Variants in CFAP91 observed in about 807,000 individuals in gnomAD.
CFAP91 encodes the protein cilia- and flagella-associated protein 91.
CFAP91 carries 85 observed loss-of-function variants against 95.9 expected under a neutral mutation model. The ratio of observed to expected loss-of-function variants is 0.89; its 90% CI spans 0.74 to 1.06. The LOEUF is 1.06. Among genes scored for constraint, CFAP91 ranks in the 50% least tolerant of loss-of-function variants. CFAP91 has a pLI of 0.00. For missense variants in CFAP91, 962 were observed against 943.4 expected, an observed-to-expected ratio of 1.02 and a Z score of -0.26; for synonymous variants, 335 against 327.5, an observed-to-expected ratio of 1.02 and a Z score of -0.25.
rs1482922795 is a variant in CFAP91 at position 119,730,369 on chromosome 3, A to G, written c.1010A>G (p.His337Arg). Reference sequence around the variant, plus strand: ...AAAATGGCAAAAATTCAGCGCACGCATGTATCAAGTAATGGTGTAGTATGA... The same window carrying G: ...AAAATGGCAAAAATTCAGCGCACGCGTGTATCAAGTAATGGTGTAGTATGA... ...EAKMAKIQRT[H>R]VSTIRKLVGK... Residue 337 changes from histidine to arginine, a missense_variant, in exon 8 of 18, where the codon CAT (histidine) becomes CGT (arginine). Physicochemically the swap from His to Arg is conservative, Grantham distance 29. Coordinates refer to ENST00000273390, the MANE Select transcript of CFAP91 (RefSeq NM_033364.4). The G allele has an allele frequency of 6.2e-7, 1 of 1,614,008 alleles. No homozygotes were observed. The highest frequency in any genetic ancestry group is 8.5e-7 in the Non-Finnish European group (1 of 1,179,944).
chr3:119,708,630 A>G lies in CFAP91; in HGVS notation c.399A>G (p.Glu133=), dbSNP rs767181273. ...ASFQMPKEVY[E]DPEVTGKNRY... ...TTCAGATGCCTAAAGAAGTTTATGAAGATCCTGAAGTTACTGGAAAGAATC... is the reference window on the plus strand; with the variant it reads ...TTCAGATGCCTAAAGAAGTTTATGAGGATCCTGAAGTTACTGGAAAGAATC... Residue 133 remains glutamate, a synonymous_variant, in exon 4 of 18, where the codon GAA becomes GAG. Transcript: ENST00000273390. 1.2e-6 allele frequency: 2 copies of G among 1,607,016 alleles called. No homozygotes were observed. The highest frequency in any genetic ancestry group is 1.7e-6 in the Non-Finnish European group (2 of 1,176,466).
chr3:119,764,143 A>T (rs987535627), intron 17 of CFAP91, among the ~76,000 whole-genome samples: 3 of 152,112 alleles, frequency 2.0e-5, no homozygotes, highest in Non-Finnish European at 2.9e-5. Flanking sequence ...ATAGTAAAGG[A>T]TGTTGGCAGT....
At chr3:119,759,976 C>T (rs759873876) in intron 17 of CFAP91, among the ~76,000 whole-genome samples, 1 of 151,750 alleles carries the variant, frequency 6.6e-6, no homozygotes, top group East Asian at 1.9e-4. Flanking sequence ...GGAATAAGGA[C>T]CTACAAAACA....
chr3:119,713,681 AATT>A (rs1368091991), intron 5 of CFAP91, among the ~76,000 whole-genome samples: 1 of 152,038 alleles, frequency 6.6e-6, no homozygotes, highest in Non-Finnish European at 1.5e-5. Flanking sequence ...AGATGAAAAA[AATT>A]ATCTGTATAA....
chr3:119,747,271 T>C lies in CFAP91; in HGVS notation c.2051+8T>C. The stretch of plus-strand genomic sequence containing the variant: ...TTATGAAATGGAAAGCCGGTGTGTA[T>C]CAAGAGAACAGATTGTAGAATGGAC... On this transcript the variant is annotated splice_region_variant and intron_variant, in intron 15 of 17. Coordinates refer to ENST00000273390, the MANE Select transcript of CFAP91 (RefSeq NM_033364.4). 1.2e-6 allele frequency: 2 copies of C among 1,610,148 alleles called. No individual in the cohort carries two copies. The highest frequency in any genetic ancestry group is 1.7e-6 in the Non-Finnish European group (2 of 1,178,620).
In CFAP91 at chr3:119,748,011, G is replaced by T. The variant is rs139004227; in HGVS notation, c.2143+109G>T. Reference sequence around the variant, plus strand: ...AGGGATGAGGAAATTTCTAAAGGAGGATCACTGAGTTTTCTTATTTCAGAG... The same window carrying T: ...AGGGATGAGGAAATTTCTAAAGGAGTATCACTGAGTTTTCTTATTTCAGAG... On this transcript the variant is annotated intron_variant, in intron 16 of 17. Transcript: ENST00000273390. The T allele has an allele frequency of 6.1e-4, 493 of 804,008 alleles. 1 individual carries two copies. In the African/African-American group the frequency reaches 7.5e-3, roughly 12 times the overall value. The allele number at this position is 804,008 out of a possible 1,614,324, so 49.8% of individuals were successfully genotyped here. A position where few individuals can be genotyped will look rare whatever the true frequency, so the allele number is the denominator to read the frequency against.
chr3:119,744,621 A>G (rs2054188431), intron 14 of CFAP91, among the ~76,000 whole-genome samples: 1 of 152,210 alleles, frequency 6.6e-6, no homozygotes, highest in African/African-American at 2.4e-5. Context: ...TTCGGGCTTA[A>G]GCAGCTGGAA....
intron 3 of CFAP91, among the ~76,000 whole-genome samples, chr3:119,708,264 C>T: frequency 8.9e-6 from 1 of 111,856 alleles, no homozygotes; most frequent in Non-Finnish European, 1.9e-5. Context: ...GACTCTGTCT[C>T]AAAAAAAAAA....
At chr3:119,712,393 C>A (rs1339793109) in intron 5 of CFAP91, among the ~76,000 whole-genome samples, 1 of 152,090 alleles carries the variant, frequency 6.6e-6, no homozygotes, top group Non-Finnish European at 1.5e-5. Context: ...TTATTATAAA[C>A]TAAGCACATT....
In CFAP91 at chr3:119,732,872, G is replaced by A. The variant is rs111865739; in HGVS notation, c.1201+396G>A. On this transcript the variant is annotated intron_variant, in intron 9 of 17. Coordinates refer to ENST00000273390, the MANE Select transcript of CFAP91 (RefSeq NM_033364.4). ...ATGGAGAACCAGGTGATAAGTTCAC[G>A]GAGAGGACTATACCTCTTATGAAGT... 2.2e-3 allele frequency among the ~76,000 whole-genome samples: 338 copies of A among 152,258 alleles called. 1 individual carries two copies. Among genetic ancestry groups the A allele is most frequent in the Non-Finnish European group, 3.5e-3 (236 of 68,016 alleles).
chr3:119,736,754 G>T (rs2054016992), intron 10 of CFAP91, among the ~76,000 whole-genome samples: 1 of 151,948 alleles, frequency 6.6e-6, no homozygotes, highest in Admixed American at 6.6e-5. Flanking sequence ...ACATTCCATT[G>T]TGTGGATATA....
At position 119,715,709 on chromosome 3, in the gene CFAP91, C is replaced by T; in HGVS notation, c.648C>T (p.Ile216=). ...SAEYVVCQDS[I]PELLTLATLT... ...AATATGTAGTATGTCAGGACTCAAT[C>T]CCTGAGCTCTTGACCCTGGCTACGC... is the stretch of plus-strand genomic sequence containing the variant. Residue 216 remains isoleucine (I), a synonymous_variant, in exon 6 of 18, where the codon ATC becomes ATT. Transcript: ENST00000273390. 1 of 1,614,032 alleles carries T rather than the reference C, an allele frequency of 6.2e-7. No individual in the cohort carries two copies. Among genetic ancestry groups the T allele is most frequent in the Non-Finnish European group, 8.5e-7 (1 of 1,179,924 alleles).
intron 5 of CFAP91, among the ~76,000 whole-genome samples, chr3:119,710,626 T>C (rs754449223): frequency 5.9e-5 from 9 of 152,246 alleles, no homozygotes. Context: ...GCTTTAAATA[T>C]CTTCTTTTGC....
chr3:119,738,774 A>T (rs1314195202), intron 11 of CFAP91, among the ~76,000 whole-genome samples: 1 of 152,164 alleles, frequency 6.6e-6, no homozygotes, highest in Non-Finnish European at 1.5e-5. Flanking sequence ...CAGAGTTTTT[A>T]AGATGATTTT....
At chr3:119,732,194 A>G in intron 8 of CFAP91, 100 bp from the exon 9 acceptor site, 1 of 916,070 alleles carries the variant, frequency 1.1e-6, no homozygotes, top group Non-Finnish European at 1.6e-6. Flanking sequence ...ATTCATTTCA[A>G]TAGCTTCTCT....
chr3:119,753,827 C>G (rs563793738), intron 17 of CFAP91, among the ~76,000 whole-genome samples: 1 of 152,176 alleles, frequency 6.6e-6, no homozygotes, highest in East Asian at 1.9e-4. Context: ...CTCTTCCCCC[C>G]AAGTCCGCAC....
At chr3:119,758,017 G>A (rs181883290) in intron 17 of CFAP91, among the ~76,000 whole-genome samples, 30 of 152,180 alleles carry the variant, frequency 2.0e-4, no homozygotes, top group African/African-American at 7.2e-4. Context: ...ATAATTTTTT[G>A]TTTTTTATGG....
chr3:119,712,767 C>T (rs2053495016), intron 5 of CFAP91, among the ~76,000 whole-genome samples: 1 of 151,680 alleles, frequency 6.6e-6, no homozygotes, highest in Non-Finnish European at 1.5e-5. Flanking sequence ...CCAGCCTGGC[C>T]AACATGATGA....
At chr3:119,723,140 A>T (rs1430825758) in intron 6 of CFAP91, among the ~76,000 whole-genome samples, 1 of 152,228 alleles carries the variant, frequency 6.6e-6, no homozygotes, top group African/African-American at 2.4e-5. Flanking sequence ...CTAAAAATAT[A>T]TGTAATTCAT....
Sources: gnomAD v4.1 joint callset for allele counts (sites outside exome capture counted in the v4.1 genomes callset) on GRCh38, gnomAD v4.1.1 for gene constraint, MANE v1.5 for transcripts, NCBI Gene and HGNC (gene_info 2026-07-23, HGNC 2026-07-21) for gene names.